The following SLC44A5 variants were observed in gnomAD, a reference collection of about 807,000 sequenced individuals.
SLC44A5 encodes the protein choline transporter-like protein 5.
Under a neutral mutation model 101.8 loss-of-function variants are expected in SLC44A5, and 57 were observed. That is an observed-to-expected ratio of 0.56 (90% CI 0.45 to 0.70). The LOEUF is 0.70. Ranked by LOEUF, SLC44A5 falls within the 30% of genes least tolerant of loss-of-function variation. SLC44A5 has a pLI of 0.00. For synonymous variants in SLC44A5, 281 were observed against 290.9 expected (o/e 0.97, Z 0.35); for missense variants, 737 against 853.1 (o/e 0.86, Z 1.70).
chr1:75,374,656 A>G (rs1660452940), intron 3 of SLC44A5, among the ~76,000 whole-genome samples: 1 of 152,144 alleles, frequency 6.6e-6, no homozygotes, highest in Non-Finnish European at 1.5e-5. Context: ...CTTAAGCACT[A>G]TCTACTGGAT....
chr1:75,413,019 T>G (rs761974173), intron 2 of SLC44A5, among the ~76,000 whole-genome samples: 3 of 152,176 alleles, frequency 2.0e-5, no homozygotes, highest in Non-Finnish European at 4.4e-5. Flanking sequence ...AGCCATTTTA[T>G]TATCTCACAC....
intron 3 of SLC44A5, among the ~76,000 whole-genome samples, chr1:75,356,475 A>T (rs1417941901): frequency 2.0e-5 from 3 of 151,870 alleles, no homozygotes; most frequent in South Asian, 2.1e-4. Flanking sequence ...AAGAAAGAAA[A>T]TTTTTTTGTA....
chr1:75,674,368 G>A, the SLC44A5 span, among the ~76,000 whole-genome samples: 1 of 151,074 alleles, frequency 6.6e-6, no homozygotes, highest in Non-Finnish European at 1.5e-5. Context: ...ACACAGAGGA[G>A]ACAAAAGAAA....
the SLC44A5 span, among the ~76,000 whole-genome samples, chr1:75,648,251 G>A: frequency 6.6e-6 from 1 of 152,094 alleles, no homozygotes; most frequent in Non-Finnish European, 1.5e-5. Context: ...GGACATGTTT[G>A]TTTCCCCTTC....
chr1:75,537,515 A>T (rs1224712129), intron 2 of SLC44A5, among the ~76,000 whole-genome samples: 1 of 151,504 alleles, frequency 6.6e-6, no homozygotes, highest in Non-Finnish European at 1.5e-5. Context: ...CTGAAAAAGG[A>T]GGAGAGAAAG....
chr1:75,662,488 T>A, the SLC44A5 span, among the ~76,000 whole-genome samples: 2 of 151,960 alleles, frequency 1.3e-5, no homozygotes, highest in African/African-American at 4.8e-5. Context: ...TGTATATTTT[T>A]AAATAGCTAG....
intron 1 of SLC44A5, among the ~76,000 whole-genome samples, chr1:75,596,113 T>A (rs975097879): frequency 6.6e-6 from 1 of 152,154 alleles, no homozygotes; most frequent in Non-Finnish European, 1.5e-5. Flanking sequence ...ACTTTTTCTT[T>A]TTCTTTCATG....
At chr1:75,320,628 T>C (rs1656070451) in intron 4 of SLC44A5, among the ~76,000 whole-genome samples, 2 of 152,224 alleles carry the variant, frequency 1.3e-5, no homozygotes, top group Admixed American at 1.3e-4. Flanking sequence ...TGAATATTAA[T>C]GGTTGCTACC....
At chr1:75,646,974 G>T in the SLC44A5 span, among the ~76,000 whole-genome samples, 14 of 152,318 alleles carry the variant, frequency 9.2e-5, no homozygotes, top group East Asian at 2.7e-3. Context: ...GCCAGATGCA[G>T]ACATTTGCAT....
the SLC44A5 span, among the ~76,000 whole-genome samples, chr1:75,721,339 G>C: frequency 1.3e-5 from 2 of 152,200 alleles, no homozygotes; most frequent in Non-Finnish European, 2.9e-5. Flanking sequence ...ATGCAGCTCA[G>C]GACAGCTTTG....
intron 4 of SLC44A5, among the ~76,000 whole-genome samples, chr1:75,328,351 T>C (rs1656766177): frequency 1.3e-5 from 2 of 152,176 alleles, no homozygotes; most frequent in South Asian, 2.1e-4. Flanking sequence ...GACACAGGAA[T>C]ACGGTAAGAC....
At chr1:75,213,305 A>G (rs1177825161) in intron 22 of SLC44A5, among the ~76,000 whole-genome samples, 1 of 152,162 alleles carries the variant, frequency 6.6e-6, no homozygotes, top group East Asian at 1.9e-4. Flanking sequence ...ATTCCTTTTT[A>G]AAATTGTGCT....
intron 4 of SLC44A5, among the ~76,000 whole-genome samples, chr1:75,321,538 C>G (rs898993387): frequency 6.6e-6 from 1 of 152,114 alleles, no homozygotes; most frequent in African/African-American, 2.4e-5. Context: ...GGTCACCACC[C>G]TTGTGATTTA....
At chr1:75,649,206 C>G in the SLC44A5 span, among the ~76,000 whole-genome samples, 1 of 152,136 alleles carries the variant, frequency 6.6e-6, no homozygotes, top group African/African-American at 2.4e-5. Flanking sequence ...TTTTGCAAAT[C>G]TGGGCAGTTC....
intron 2 of SLC44A5, among the ~76,000 whole-genome samples, chr1:75,479,396 A>T (rs1262614221): frequency 6.6e-6 from 1 of 152,214 alleles, no homozygotes; most frequent in Non-Finnish European, 1.5e-5. Flanking sequence ...AGAAATAACT[A>T]AAATCAGAGC....
At chr1:75,499,237 G>C (rs1570456235) in intron 2 of SLC44A5, among the ~76,000 whole-genome samples, 2 of 152,200 alleles carry the variant, frequency 1.3e-5, no homozygotes, top group East Asian at 3.8e-4. Context: ...ATGGATGGGG[G>C]CCGGAAGGGA....
At chr1:75,705,492 A>T in the SLC44A5 span, among the ~76,000 whole-genome samples, 2 of 152,162 alleles carry the variant, frequency 1.3e-5, no homozygotes. Context: ...CATGATTTAC[A>T]TATTTCTAGA....
intron 2 of SLC44A5, among the ~76,000 whole-genome samples, chr1:75,424,347 C>A (rs1664181981): frequency 6.6e-6 from 1 of 152,066 alleles, no homozygotes; most frequent in Non-Finnish European, 1.5e-5. Flanking sequence ...GCTCTGTCAC[C>A]CAGGCTGGAG....
chr1:75,659,437 G>GAGGGAAGGAAGGAAGGA, the SLC44A5 span, among the ~76,000 whole-genome samples: 16 of 18,456 alleles, frequency 8.7e-4, 1 homozygote, highest in African/African-American at 2.0e-3. Flanking sequence ...GGGAGGGAGG[G>GAGGGAAGGAAGGAAGGA]AGGGAGGGAA....
Sources: allele counts gnomAD v4.1 joint callset (sites outside exome capture counted in the v4.1 genomes callset), GRCh38; gene constraint gnomAD v4.1.1; transcripts MANE v1.5; gene names NCBI Gene and HGNC (gene_info 2026-07-23, HGNC 2026-07-21).